Variants in MAPKAPK2 observed in about 807,000 individuals in gnomAD.
MAPKAPK2 encodes the protein MAPK activated protein kinase 2.
A neutral mutation model predicts 48.8 loss-of-function variants in MAPKAPK2; 9 were observed. The ratio of observed to expected loss-of-function variants is 0.18; its 90% CI spans 0.11 to 0.32. The LOEUF (loss-of-function observed/expected upper bound fraction) is 0.32. Among genes scored for constraint, MAPKAPK2 ranks in the 10% least tolerant of loss-of-function variants. The probability of loss-of-function intolerance (pLI) is 1.00; values close to 1 mark genes in which losing one functional copy is unlikely to be tolerated. For missense variants in MAPKAPK2, 331 were observed against 498.3 expected (o/e 0.66, Z 3.20); for synonymous variants, 202 against 190.6 (o/e 1.06, Z -0.49).
chr1:206,695,988 C>T (rs1420123985), intron 1 of MAPKAPK2: 4 of 750,188 alleles, frequency 5.3e-6, no homozygotes, highest in East Asian at 2.5e-5. Flanking sequence ...TCCTATGGCT[C>T]GGAGTTCGAT....
At chr1:206,699,057 T>G (rs56378020) in intron 1 of MAPKAPK2, among the ~76,000 whole-genome samples, 1,770 of 152,246 alleles carry the variant, frequency 0.012, 22 homozygotes, top group African/African-American at 0.041. Flanking sequence ...ATTGCTACGA[T>G]GAGATGAATA....
intron 1 of MAPKAPK2, among the ~76,000 whole-genome samples, chr1:206,721,004 A>G (rs891536296): frequency 1.4e-4 from 21 of 152,326 alleles, no homozygotes; most frequent in African/African-American, 4.3e-4. Flanking sequence ...AGTTTGTGAT[A>G]TAGTTTGGAT....
chr1:206,712,177 A>G (rs1553429579), intron 1 of MAPKAPK2, among the ~76,000 whole-genome samples: 1 of 152,178 alleles, frequency 6.6e-6, no homozygotes, highest in African/African-American at 2.4e-5. Context: ...TTGTTCTTAG[A>G]AGCAGCTTTT....
Position 206,704,573 on chromosome 1 carries a change from C to T in MAPKAPK2, c.279+19065C>T, listed in dbSNP as rs1229035731. On this transcript the variant is annotated intron_variant, in intron 1 of 9. Transcript: ENST00000367103. The surrounding 1 kb of genome is among the most constrained non-coding windows in gnomAD (Gnocchi z 4.3). ...GACTTGATGAGGGAATAAAACCAGC[C>T]GGCTCATCTAGGGGCTGATATCTGT... Among the ~76,000 whole-genome samples, 3 of 152,114 alleles carry T rather than the reference C, an allele frequency of 2.0e-5. No homozygotes were observed. The highest frequency in any genetic ancestry group is 2.9e-5 in the Non-Finnish European group (2 of 68,012).
chr1:206,707,200 C>G (rs1276999300), intron 1 of MAPKAPK2, among the ~76,000 whole-genome samples: 1 of 152,032 alleles, frequency 6.6e-6, no homozygotes, highest in Admixed American at 6.5e-5. Context: ...TAGGTGATGA[C>G]CACAGTCATT....
intron 1 of MAPKAPK2, among the ~76,000 whole-genome samples, chr1:206,695,048 CT>C (rs1672572760): frequency 6.6e-6 from 1 of 152,232 alleles, no homozygotes; most frequent in Non-Finnish European, 1.5e-5. Flanking sequence ...TTCTCTTCCC[CT>C]GATGTGCTTT....
Position 206,728,735 on chromosome 1 carries a change from G to A in MAPKAPK2, c.305G>A (p.Arg102His), listed in dbSNP as rs151079567. ...ATGCTTCAGGACTGCCCCAAGGCCC[G>A]CAGGGAGGTGGAGCTGCACTGGCGG... The part of the protein sequence containing the change: ...LKMLQDCPKA[R>H]REVELHWRAS... The change falls in exon 2 of 10, where the codon CGC (arginine) becomes CAC (histidine). Residue 102 changes from arginine (R) to histidine (H), a missense_variant. Coordinates refer to ENST00000367103, the MANE Select transcript of MAPKAPK2 (RefSeq NM_032960.4). The A allele has an allele frequency of 3.9e-5, 63 of 1,614,120 alleles. No individual in the cohort carries two copies. The highest frequency in any genetic ancestry group is 6.7e-5 in the African/African-American group (5 of 75,056).
At chr1:206,713,412 A>T (rs1179751762) in intron 1 of MAPKAPK2, among the ~76,000 whole-genome samples, 1 of 152,188 alleles carries the variant, frequency 6.6e-6, no homozygotes, top group East Asian at 1.9e-4. Flanking sequence ...GATGATGTGG[A>T]TAGGAGCTAG....
intron 1 of MAPKAPK2, among the ~76,000 whole-genome samples, chr1:206,715,095 T>G (rs1362617107): frequency 6.6e-6 from 1 of 152,218 alleles, no homozygotes; most frequent in Admixed American, 6.5e-5. Flanking sequence ...ATGGTCTAGC[T>G]TAGAATTGAG....
intron 1 of MAPKAPK2, among the ~76,000 whole-genome samples, chr1:206,720,131 C>T (rs79222945): frequency 0.025 from 3,759 of 152,264 alleles, 58 homozygotes; most frequent in South Asian, 0.042. Flanking sequence ...GCAGAGTTTC[C>T]GGAAGCCCCA....
rs1384253861 is a variant in MAPKAPK2 at position 206,731,387 on chromosome 1, C to T, written c.892+125C>T. On this transcript the variant is annotated intron_variant, in intron 7 of 9. Transcript: ENST00000367103. The surrounding 1 kb of genome is among the most constrained non-coding windows in gnomAD (Gnocchi z 5.9). ...TGCGTGGTGTAACTGTGGGTTAGCA[C>T]CTATGCCCACGCCTGCGGGGTGCGT... 1.3e-6 allele frequency: 2 copies of T among 1,509,768 alleles called. No homozygotes were observed. Among genetic ancestry groups the T allele is most frequent in the African/African-American group, 2.8e-5 (2 of 72,412 alleles). 93.5% of individuals were successfully genotyped at this position (1,509,768 alleles called of 1,614,324 possible).
At chr1:206,702,653 GA>G (rs1399032094) in intron 1 of MAPKAPK2, among the ~76,000 whole-genome samples, 6 of 152,226 alleles carry the variant, frequency 3.9e-5, no homozygotes, top group Admixed American at 3.3e-4. Context: ...GGTAATGACA[GA>G]TGTCATTTCT....
chr1:206,697,081 T>C (rs1345640138), intron 1 of MAPKAPK2, among the ~76,000 whole-genome samples: 3 of 152,356 alleles, frequency 2.0e-5, no homozygotes, highest in African/African-American at 4.8e-5. Context: ...CAGTTTCTCA[T>C]TGATGCCTCT....
At chr1:206,705,624 C>T (rs1672929742) in intron 1 of MAPKAPK2, among the ~76,000 whole-genome samples, 1 of 152,320 alleles carries the variant, frequency 6.6e-6, no homozygotes, top group Admixed American at 6.5e-5. Flanking sequence ...GGGCTGGATG[C>T]TTTCTCCTTT....
chr1:206,701,478 T>C (rs1672791850), intron 1 of MAPKAPK2, among the ~76,000 whole-genome samples: 1 of 152,010 alleles, frequency 6.6e-6, no homozygotes, highest in Non-Finnish European at 1.5e-5. Context: ...AGGGAGAGGT[T>C]TTGAAGCCCA....
intron 1 of MAPKAPK2, among the ~76,000 whole-genome samples, chr1:206,723,920 T>C (rs1673626676): frequency 6.6e-6 from 1 of 152,260 alleles, no homozygotes; most frequent in Admixed American, 6.5e-5. Context: ...GGGCCTTGCC[T>C]GTGGCGTTGC....
chr1:206,695,754 G>C (rs898651048), intron 1 of MAPKAPK2: 5 of 274,024 alleles, frequency 1.8e-5, no homozygotes, highest in Non-Finnish European at 3.5e-5. Flanking sequence ...CATGTGCAAG[G>C]CATCTCTCTC....
chr1:206,731,912 A>T lies in MAPKAPK2; in HGVS notation c.1052A>T (p.Asp351Val). ...AAGGAGGACAAGGAGCGGTGGGAGG[A>T]TGTCAAGGTGAGGGGCACCACTGGG... ...VLKEDKERWE[D>V]VKEEMTSALA... The change falls in exon 9 of 10, where the codon GAT becomes GTT. Residue 351 changes from aspartate (D) to valine (V), a missense_variant. Physicochemically the swap from Asp to Val is radical, Grantham distance 152. Around this residue, in one of 4 missense-constraint regions of MAPKAPK2, gnomAD observed 124 missense variants for 194.6 expected, o/e 0.64. Transcript: ENST00000367103. This position sits in a 1 kb window ranked among gnomAD's most constrained non-coding sequence, Gnocchi z 5.9. 1 of 1,613,996 alleles carries T rather than the reference A, an allele frequency of 6.2e-7. No homozygotes were observed. The highest frequency in any genetic ancestry group is 8.5e-7 in the Non-Finnish European group (1 of 1,179,980).
At chr1:206,717,422 C>G (rs960572032) in intron 1 of MAPKAPK2, among the ~76,000 whole-genome samples, 2 of 152,222 alleles carry the variant, frequency 1.3e-5, no homozygotes, top group Non-Finnish European at 2.9e-5. Context: ...AGAAATATCT[C>G]TGTCCCCATC....
Sources: allele counts gnomAD v4.1 joint callset (sites outside exome capture counted in the v4.1 genomes callset), GRCh38; gene constraint gnomAD v4.1.1; regional missense constraint gnomAD v4.1.1; non-coding constraint Gnocchi (gnomAD v3.1); transcripts MANE v1.5; gene names NCBI Gene and HGNC (gene_info 2026-07-23, HGNC 2026-07-21).